The following LTBP1 variants were observed in gnomAD, a reference collection of about 807,000 sequenced individuals.
The protein encoded by LTBP1 is latent transforming growth factor beta binding protein 1.
In LTBP1, 129 loss-of-function variants were observed where a neutral mutation model predicts 207.6. The ratio of observed to expected loss-of-function variants is 0.62; its 90% CI spans 0.54 to 0.72. The LOEUF (loss-of-function observed/expected upper bound fraction) is 0.72, where lower values mean the gene tolerates loss of function less well. LTBP1 is among the 30% of genes least tolerant of loss of function. The probability of loss-of-function intolerance (pLI) is 0.00; values close to 1 mark genes in which losing one functional copy is unlikely to be tolerated. For missense variants in LTBP1, 2,281 were observed against 2,217.2 expected (o/e 1.03, Z -0.58); for synonymous variants, 963 against 833.7 (o/e 1.16, Z -2.67).
intron 3 of LTBP1, among the ~76,000 whole-genome samples, chr2:33,023,914 T>C (rs1162996034): frequency 6.6e-6 from 1 of 152,244 alleles, no homozygotes; most frequent in Non-Finnish European, 1.5e-5. Context: ...TCTTTCAGAT[T>C]GCCTATTTTA....
intron 4 of LTBP1, among the ~76,000 whole-genome samples, chr2:33,125,932 G>T (rs1450781251): frequency 6.6e-6 from 1 of 152,136 alleles, no homozygotes; most frequent in Non-Finnish European, 1.5e-5. Context: ...CAGTTGGTTG[G>T]TTCTGGCTCA....
At chr2:33,354,683 T>TACACACACACACACACACAC (rs71409608) in intron 26 of LTBP1, among the ~76,000 whole-genome samples, 2 of 139,656 alleles carry the variant, frequency 1.4e-5, no homozygotes, top group African/African-American at 5.3e-5. Flanking sequence ...ACTAAAACTA[T>TACACACACACACACACACAC]ACACACACAC....
At chr2:33,267,343 T>C (rs1573520841) in intron 15 of LTBP1, among the ~76,000 whole-genome samples, 1 of 152,156 alleles carries the variant, frequency 6.6e-6, no homozygotes, top group Non-Finnish European at 1.5e-5. Flanking sequence ...ACAAGCTCAG[T>C]GGGTGCAAGC....
At chr2:33,092,269 C>T (rs146747053) in intron 3 of LTBP1, among the ~76,000 whole-genome samples, 1 of 152,298 alleles carries the variant, frequency 6.6e-6, no homozygotes, top group African/African-American at 2.4e-5. Flanking sequence ...AGATCCCGTC[C>T]CTTTACTAGT....
At chr2:33,257,198 T>C (rs1311952412) in intron 11 of LTBP1, 86 bp from the exon 12 acceptor site, 1 of 962,584 alleles carries the variant, frequency 1.0e-6, no homozygotes, top group Non-Finnish European at 1.6e-6. Flanking sequence ...GATGATTTAT[T>C]AAGAGCTATT....
At chr2:33,146,509 C>A (rs1208742355) in intron 5 of LTBP1, among the ~76,000 whole-genome samples, 1 of 152,124 alleles carries the variant, frequency 6.6e-6, no homozygotes, top group Non-Finnish European at 1.5e-5. Flanking sequence ...TTTTTATTCT[C>A]TTTAATTGTT....
At chr2:33,084,929 G>T (rs1303259917) in intron 3 of LTBP1, among the ~76,000 whole-genome samples, 2 of 152,180 alleles carry the variant, frequency 1.3e-5, no homozygotes, top group Non-Finnish European at 2.9e-5. Context: ...CCCCCAAAAA[G>T]ATATGTCCAC....
chr2:33,340,218 C>G (rs1165834886), intron 24 of LTBP1, among the ~76,000 whole-genome samples: 1 of 149,916 alleles, frequency 6.7e-6, no homozygotes, highest in African/African-American at 2.5e-5. Flanking sequence ...AGATCGCGCC[C>G]CTGCACTCCA....
At chr2:33,353,762 C>G (rs557061159) in intron 26 of LTBP1, among the ~76,000 whole-genome samples, 1 of 152,012 alleles carries the variant, frequency 6.6e-6, no homozygotes, top group South Asian at 2.1e-4. Flanking sequence ...TCAAGGAACA[C>G]AGAATACAAC....
chr2:33,193,228 G>A (rs146732061), intron 7 of LTBP1, among the ~76,000 whole-genome samples: 2 of 152,134 alleles, frequency 1.3e-5, no homozygotes, highest in Non-Finnish European at 2.9e-5. Flanking sequence ...TGCAACCTCT[G>A]CCTCCCTGGT....
At chr2:33,307,629 C>T (rs969818031) in intron 22 of LTBP1, among the ~76,000 whole-genome samples, 1 of 152,212 alleles carries the variant, frequency 6.6e-6, no homozygotes, top group African/African-American at 2.4e-5. Flanking sequence ...TTTGTCAAAA[C>T]TCATTGAGCT....
chr2:33,090,279 T>G (rs918022584), intron 3 of LTBP1, among the ~76,000 whole-genome samples: 1 of 152,238 alleles, frequency 6.6e-6, no homozygotes, highest in Non-Finnish European at 1.5e-5. Context: ...GCTTGAAAGT[T>G]GGCCCTTTTT....
At chr2:33,294,917 A>T (rs888836880) in intron 20 of LTBP1, among the ~76,000 whole-genome samples, 13 of 151,492 alleles carry the variant, frequency 8.6e-5, no homozygotes, top group South Asian at 2.1e-4. Flanking sequence ...TTTTTTTTTA[A>T]TTGGCATGTA....
chr2:33,391,686 TGAGAG>T (rs2095315838), intron 32 of LTBP1, among the ~76,000 whole-genome samples: 1 of 152,232 alleles, frequency 6.6e-6, no homozygotes. Flanking sequence ...TGATGGGTCC[TGAGAG>T]TCTAAAAGTC....
intron 2 of LTBP1, among the ~76,000 whole-genome samples, chr2:33,004,360 T>C (rs1027279372): frequency 3.3e-5 from 5 of 152,158 alleles, no homozygotes; most frequent in African/African-American, 1.2e-4. Context: ...TTCTGTGGGC[T>C]TTATGATAAG....
chr2:32,997,609 G>A (rs561709868), intron 2 of LTBP1, among the ~76,000 whole-genome samples: 1 of 152,278 alleles, frequency 6.6e-6, no homozygotes, highest in Admixed American at 6.5e-5. Flanking sequence ...TTGGGATGGT[G>A]GGATGGTCGG....
chr2:33,226,533 G>A (rs892338893), intron 9 of LTBP1, among the ~76,000 whole-genome samples: 1 of 152,234 alleles, frequency 6.6e-6, no homozygotes, highest in African/African-American at 2.4e-5. Context: ...CAGCATAGTA[G>A]CAGCAGCGTA....
Position 33,237,261 on chromosome 2 carries a change from C to G in LTBP1, c.1877-6401C>G, listed in dbSNP as rs534178350. Among the ~76,000 whole-genome samples the G allele has an allele frequency of 2.6e-5, 4 of 152,154 alleles. No homozygotes were observed. In the South Asian group the frequency reaches 8.3e-4, roughly 32 times the overall value. On this transcript the variant is annotated intron_variant, in intron 9 of 33. Coordinates refer to ENST00000404816, the MANE Select transcript of LTBP1 (RefSeq NM_206943.4). ...AACACAGAAAAACAAGAGATTTTGC[C>G]AAAGGACTCTTCGGGTTTTAAATAT...
chr2:33,280,216 A>C, intron 19 of LTBP1, 58 bp downstream of exon 19: 1 of 1,548,544 alleles, frequency 6.5e-7, no homozygotes, highest in South Asian at 1.2e-5. Flanking sequence ...CCATTTTCTG[A>C]TAGAGTGGTG....
Sources: allele counts gnomAD v4.1 joint callset (sites outside exome capture counted in the v4.1 genomes callset), GRCh38; gene constraint gnomAD v4.1.1; transcripts MANE v1.5; gene names NCBI Gene and HGNC (gene_info 2026-07-23, HGNC 2026-07-21).